The following UGT1A8 variants were observed in gnomAD, a reference collection of about 807,000 sequenced individuals.
The protein encoded by UGT1A8 is UDP-glucuronosyltransferase 1A8.
Under a neutral mutation model 45.3 loss-of-function variants are expected in UGT1A8, and 39 were observed. The ratio of observed to expected loss-of-function variants is 0.86; its 90% CI spans 0.67 to 1.12. UGT1A8 has a LOEUF of 1.12. Among genes scored for constraint, UGT1A8 ranks in the 50% most tolerant of loss-of-function variants. The pLI is 0.00. For synonymous variants in UGT1A8, 275 were observed against 249.2 expected (o/e 1.10, Z -0.97); for missense variants, 719 against 664.9 (o/e 1.08, Z -0.90).
intron 1 of UGT1A8, among the ~76,000 whole-genome samples, chr2:233,646,795 T>G (rs1268357031): frequency 2.0e-5 from 3 of 152,192 alleles, no homozygotes; most frequent in Admixed American, 2.0e-4. Flanking sequence ...CCTGTCTTCT[T>G]CTGAGCCCTC....
intron 1 of UGT1A8, chr2:233,743,889 C>T: frequency 7.3e-7 from 1 of 1,366,986 alleles, no homozygotes; most frequent in Non-Finnish European, 9.8e-7. Context: ...TGCCGGGGCA[C>T]GTCCAGCACC....
At chr2:233,701,057 T>C (rs935589404) in intron 1 of UGT1A8, among the ~76,000 whole-genome samples, 12 of 152,198 alleles carry the variant, frequency 7.9e-5, no homozygotes, top group African/African-American at 2.9e-4. Flanking sequence ...ACTCATAATT[T>C]TTTATGGCTG....
At chr2:233,725,400 G>T (rs1284897270) in intron 1 of UGT1A8, among the ~76,000 whole-genome samples, 3 of 151,354 alleles carry the variant, frequency 2.0e-5, no homozygotes, top group Non-Finnish European at 2.9e-5. Context: ...TACCTTGATG[G>T]TCTAATACAG....
intron 1 of UGT1A8, among the ~76,000 whole-genome samples, chr2:233,686,347 T>C (rs1575436324): frequency 6.6e-6 from 1 of 152,264 alleles, no homozygotes; most frequent in East Asian, 1.9e-4. Context: ...AAAGCTTTTG[T>C]ATATCAAAGG....
chr2:233,656,883 C>T (rs887557294), intron 1 of UGT1A8, among the ~76,000 whole-genome samples: 41 of 152,088 alleles, frequency 2.7e-4, no homozygotes, highest in African/African-American at 9.2e-4. Context: ...TGCAGATAAA[C>T]ACGCACATGC....
In UGT1A8 at chr2:233,713,193, T is replaced by C. The variant is rs143484996; in HGVS notation, c.856-53841T>C. The C allele has an allele frequency of 2.6e-4, 422 of 1,614,210 alleles. 1 individual carries two copies. Among genetic ancestry groups the C allele is most frequent in the African/African-American group, 1.1e-3 (82 of 75,064 alleles). ...GGTCCTCACCCTGGAGGTGAATATG[T>C]ACATCAAAGAAGAGAACTTTTTCAC... On this transcript the variant is annotated intron_variant, in intron 1 of 4. Coordinates refer to ENST00000373450, the MANE Select transcript of UGT1A8 (RefSeq NM_019076.5).
chr2:233,705,759 G>T (rs2125601596), intron 1 of UGT1A8, among the ~76,000 whole-genome samples: 1 of 152,288 alleles, frequency 6.6e-6, no homozygotes. Context: ...CAGATCAGCT[G>T]CATACTTTGA....
chr2:233,675,155 C>A (rs1221259464), intron 1 of UGT1A8, among the ~76,000 whole-genome samples: 1 of 152,078 alleles, frequency 6.6e-6, no homozygotes, highest in East Asian at 1.9e-4. Context: ...GGAATTACAT[C>A]CAGGGATGTA....
intron 3 of UGT1A8, 36 bp downstream of exon 3, chr2:233,767,972 G>C (rs1383669551): frequency 1.9e-6 from 3 of 1,613,998 alleles, no homozygotes; most frequent in Non-Finnish European, 2.5e-6. Context: ...GGTCAAACCA[G>C]GGTCAAATTA....
At chr2:233,760,167 A>T (rs982651614) in intron 1 of UGT1A8, 4 of 1,523,868 alleles carry the variant, frequency 2.6e-6, no homozygotes, top group Non-Finnish European at 2.6e-6. Flanking sequence ...ACCTTTGTGG[A>T]CTGACAGCTT....
At chr2:233,716,775 G>C (rs1050671351) in intron 1 of UGT1A8, among the ~76,000 whole-genome samples, 4 of 152,178 alleles carry the variant, frequency 2.6e-5, no homozygotes, top group African/African-American at 9.7e-5. Flanking sequence ...CTCAGGTCAG[G>C]CTTTCGGGAT....
chr2:233,719,279 C>T lies in UGT1A8; in HGVS notation c.856-47755C>T, dbSNP rs371816622. On this transcript the variant is annotated intron_variant, in intron 1 of 4. Transcript: ENST00000373450. ...CCTTTGATGTGGTTTTAACAGACCCCGTTAACCTCTGTGGGGCGGTGCTGG... is the reference window on the plus strand; with the variant it reads ...CCTTTGATGTGGTTTTAACAGACCCTGTTAACCTCTGTGGGGCGGTGCTGG... 6.4e-5 allele frequency: 103 copies of T among 1,614,078 alleles called. 1 individual carries two copies. In the African/African-American group the frequency reaches 1.0e-3, roughly 16 times the overall value.
chr2:233,693,199 G>T (rs1204736990), intron 1 of UGT1A8: 3 of 1,613,990 alleles, frequency 1.9e-6, no homozygotes, highest in Non-Finnish European at 2.5e-6. Context: ...AAGTTAATTT[G>T]CTTTTGAAAG....
At chr2:233,761,149 C>A (rs1575779799) in intron 1 of UGT1A8, 1 of 1,614,176 alleles carries the variant, frequency 6.2e-7, no homozygotes. Context: ...TCCACTATCC[C>A]AGGTGTGTAT....
chr2:233,691,040 C>T, intron 1 of UGT1A8: 1 of 989,328 alleles, frequency 1.0e-6, no homozygotes, highest in Non-Finnish European at 1.2e-6. Flanking sequence ...GACCAACGTC[C>T]ACAGCAGAGT....
intron 1 of UGT1A8, chr2:233,713,775 G>T: frequency 6.2e-7 from 1 of 1,614,026 alleles, no homozygotes; most frequent in Non-Finnish European, 8.5e-7. Flanking sequence ...AGGGGACTTT[G>T]TGATGGATTA....
At chr2:233,664,137 A>T (rs6760588) in intron 1 of UGT1A8, among the ~76,000 whole-genome samples, 3 of 151,990 alleles carry the variant, frequency 2.0e-5, no homozygotes, top group Non-Finnish European at 4.4e-5. Context: ...CCTTTGCTCA[A>T]GTTCCAAATA....
intron 1 of UGT1A8, among the ~76,000 whole-genome samples, chr2:233,720,460 C>T (rs1575532860): frequency 1.3e-5 from 2 of 152,110 alleles, no homozygotes; most frequent in East Asian, 3.9e-4. Flanking sequence ...GAAGCTGGGA[C>T]CAGTGATGAA....
At chr2:233,675,829 C>A (rs2074337151) in intron 1 of UGT1A8, among the ~76,000 whole-genome samples, 1 of 152,108 alleles carries the variant, frequency 6.6e-6, no homozygotes, top group Admixed American at 6.5e-5. Flanking sequence ...CATTCCATCA[C>A]TGAACAATTC....
Sources: allele counts gnomAD v4.1 joint callset (sites outside exome capture counted in the v4.1 genomes callset), GRCh38; gene constraint gnomAD v4.1.1; transcripts MANE v1.5; gene names NCBI Gene and HGNC (gene_info 2026-07-23, HGNC 2026-07-21).